Variants in AOAH observed in about 807,000 individuals in gnomAD.
The protein encoded by AOAH is acyloxyacyl hydrolase.
AOAH carries 64 observed loss-of-function variants against 92.2 expected under a neutral mutation model. The ratio of observed to expected loss-of-function variants is 0.69; its 90% CI spans 0.57 to 0.86. AOAH has a LOEUF of 0.86. Among genes scored for constraint, AOAH ranks in the 40% least tolerant of loss-of-function variants. The probability of loss-of-function intolerance (pLI) is 0.00; values close to 1 mark genes in which losing one functional copy is unlikely to be tolerated. For missense variants in AOAH, 656 were observed against 694.6 expected, an observed-to-expected ratio of 0.94 and a Z score of 0.62; for synonymous variants, 263 against 254.5, an observed-to-expected ratio of 1.03 and a Z score of -0.32.
intron 3 of AOAH, among the ~76,000 whole-genome samples, chr7:36,669,378 T>G (rs1048334530): frequency 1.7e-5 from 1 of 58,286 alleles, no homozygotes; most frequent in Admixed American, 1.7e-4. Context: ...CCCCCCCACC[T>G]TTTTTTTTTT....
chr7:36,606,247 C>T (rs1326444948), intron 11 of AOAH, among the ~76,000 whole-genome samples: 4 of 152,048 alleles, frequency 2.6e-5, no homozygotes, highest in Non-Finnish European at 4.4e-5. Flanking sequence ...GTGACAGCTT[C>T]GATACTGCCT....
chr7:36,609,827 A>G (rs1791307464), intron 11 of AOAH, among the ~76,000 whole-genome samples: 5 of 152,014 alleles, frequency 3.3e-5, no homozygotes, highest in Admixed American at 3.3e-4. Context: ...AGGGCTTGGC[A>G]CATAGTAGAC....
At chr7:36,623,111 C>A in intron 7 of AOAH, 79 bp downstream of exon 7, 3 of 962,564 alleles carry the variant, frequency 3.1e-6, no homozygotes, top group Non-Finnish European at 4.6e-6. Context: ...GAAATTCAGT[C>A]TTGTCTTATT....
At chr7:36,710,956 G>A (rs1382902286) in intron 1 of AOAH, among the ~76,000 whole-genome samples, 4 of 152,164 alleles carry the variant, frequency 2.6e-5, no homozygotes, top group Non-Finnish European at 5.9e-5. Flanking sequence ...TTGCAGATGA[G>A]GGGAGTGAAG....
chr7:36,545,114 T>C (rs1030358124), intron 15 of AOAH, among the ~76,000 whole-genome samples: 3 of 151,916 alleles, frequency 2.0e-5, no homozygotes, highest in Non-Finnish European at 4.4e-5. Context: ...GGCAGTGGTA[T>C]GATCACAGCT....
intron 4 of AOAH, among the ~76,000 whole-genome samples, chr7:36,656,288 C>T (rs952784369): frequency 6.6e-6 from 1 of 152,108 alleles, no homozygotes; most frequent in Non-Finnish European, 1.5e-5. Flanking sequence ...ATATACCGCG[C>T]GAGGCCTTTG....
intron 19 of AOAH, among the ~76,000 whole-genome samples, chr7:36,523,969 C>T (rs1426502851): frequency 6.6e-6 from 1 of 152,062 alleles, no homozygotes; most frequent in Non-Finnish European, 1.5e-5. Flanking sequence ...TGCAGTCCCA[C>T]AGGAGTCTCT....
chr7:36,589,441 T>A lies in AOAH; in HGVS notation c.938+4898A>T, dbSNP rs990802613. On this transcript the variant is annotated intron_variant, in intron 12 of 20. Coordinates refer to ENST00000617537, the MANE Select transcript of AOAH (RefSeq NM_001637.4). Reference sequence around the variant, plus strand: ...AGGCTCTGACCCATAAAGTTAGCCATGTCTTGTCTTGAGGTACAGGCTAGT... The same window carrying A: ...AGGCTCTGACCCATAAAGTTAGCCAAGTCTTGTCTTGAGGTACAGGCTAGT... Among the ~76,000 whole-genome samples the A allele has an allele frequency of 7.9e-5, 12 of 152,216 alleles. 1 individual carries two copies. The highest frequency in any genetic ancestry group is 2.1e-4 in the South Asian group (1 of 4,834).
At chr7:36,704,127 T>G (rs753143795) in intron 1 of AOAH, among the ~76,000 whole-genome samples, 19 of 152,182 alleles carry the variant, frequency 1.2e-4, no homozygotes, top group Non-Finnish European at 2.9e-5. Flanking sequence ...TTTTTTCATG[T>G]TTGTTGGCCG....
At chr7:36,526,071 C>T (rs1376210354) in intron 19 of AOAH, among the ~76,000 whole-genome samples, 3 of 152,184 alleles carry the variant, frequency 2.0e-5, no homozygotes, top group African/African-American at 7.2e-5. Context: ...TCGATGATAA[C>T]ACATTCCTGC....
intron 11 of AOAH, among the ~76,000 whole-genome samples, chr7:36,600,669 C>T (rs1790503424): frequency 6.6e-6 from 1 of 151,616 alleles, no homozygotes; most frequent in South Asian, 2.1e-4. Flanking sequence ...TCAGCACCAT[C>T]CTCAGCTTCC....
At chr7:36,593,091 T>C (rs1452950306) in intron 12 of AOAH, among the ~76,000 whole-genome samples, 1 of 152,174 alleles carries the variant, frequency 6.6e-6, no homozygotes, top group East Asian at 1.9e-4. Flanking sequence ...CCATGAACTC[T>C]TTTTCCTCGG....
chr7:36,604,496 C>T (rs1354947860), intron 11 of AOAH, among the ~76,000 whole-genome samples: 2 of 152,156 alleles, frequency 1.3e-5, no homozygotes, highest in Admixed American at 6.5e-5. Context: ...CCAGGGACTG[C>T]ACTTCTTAGT....
At chr7:36,704,184 C>A (rs1230758716) in intron 1 of AOAH, among the ~76,000 whole-genome samples, 3 of 152,062 alleles carry the variant, frequency 2.0e-5, no homozygotes, top group African/African-American at 7.2e-5. Context: ...CCTTCGCCCA[C>A]TTTTTGATGG....
intron 1 of AOAH, among the ~76,000 whole-genome samples, chr7:36,713,715 C>T (rs1798932559): frequency 6.6e-6 from 1 of 152,004 alleles, no homozygotes; most frequent in Non-Finnish European, 1.5e-5. Flanking sequence ...ACAACCTGCT[C>T]CTGAATGACT....
intron 12 of AOAH, 78 bp downstream of exon 12, chr7:36,594,261 C>G: frequency 3.4e-6 from 4 of 1,170,366 alleles, no homozygotes; most frequent in Non-Finnish European, 5.1e-6. Context: ...ATTTCAACAT[C>G]TTGGTAGCAA....
At chr7:36,714,558 C>T (rs969924358) in intron 1 of AOAH, among the ~76,000 whole-genome samples, 31 of 152,250 alleles carry the variant, frequency 2.0e-4, no homozygotes, top group African/African-American at 6.7e-4. Flanking sequence ...CCCTGATGAA[C>T]ATCGATGCAA....
Position 36,513,103 on chromosome 7 carries a change from CT to C in AOAH, c.*148del. 1 of 1,596,184 alleles carries C rather than the reference CT, an allele frequency of 6.3e-7. No homozygotes were observed. The highest frequency in any genetic ancestry group is 8.5e-7 in the Non-Finnish European group (1 of 1,176,054). On this transcript the variant is annotated 3_prime_UTR_variant, in exon 21 of 21. Coordinates refer to ENST00000617537, the MANE Select transcript of AOAH (RefSeq NM_001637.4). Reference sequence around the variant, plus strand: ...CATTGCACAGTCGTCCAGATATGCTCTTCATTGAGAGAAAGACATTTTGCAA... The same window carrying C: ...CATTGCACAGTCGTCCAGATATGCTCTCATTGAGAGAAAGACATTTTGCAA...
intron 12 of AOAH, among the ~76,000 whole-genome samples, chr7:36,590,872 T>C (rs1320323374): frequency 6.6e-6 from 1 of 152,246 alleles, no homozygotes; most frequent in South Asian, 2.1e-4. Flanking sequence ...GCTAATCTCT[T>C]TGATATTTTT....
Sources: gnomAD v4.1 joint callset for allele counts (sites outside exome capture counted in the v4.1 genomes callset) on GRCh38, gnomAD v4.1.1 for gene constraint, MANE v1.5 for transcripts, NCBI Gene and HGNC (gene_info 2026-07-23, HGNC 2026-07-21) for gene names.